The following YME1L1 variants were observed in gnomAD, a reference collection of about 807,000 sequenced individuals.
The protein encoded by YME1L1 is ATP-dependent zinc metalloprotease YME1L1.
A neutral mutation model predicts 90.4 loss-of-function variants in YME1L1; 39 were observed. The observed-to-expected ratio is 0.43, with a 90% confidence interval of 0.33 to 0.56. The LOEUF (loss-of-function observed/expected upper bound fraction) is 0.56, where lower values mean the gene tolerates loss of function less well. YME1L1 is among the 20% of genes least tolerant of loss of function. The pLI is 0.03. For synonymous variants in YME1L1, 284 were observed against 287.3 expected (o/e 0.99, Z 0.12); for missense variants, 617 against 868.4 (o/e 0.71, Z 3.64).
At chr10:27,131,532 A>C (rs2135870758) in intron 8 of YME1L1, among the ~76,000 whole-genome samples, 1 of 152,354 alleles carries the variant, frequency 6.6e-6, no homozygotes, top group South Asian at 2.1e-4. Flanking sequence ...TCAAGCACAT[A>C]CATTATCTGT....
In YME1L1 at chr10:27,119,285, G is replaced by A; in HGVS notation, c.1567+9C>T. ...AGTAAAAGACAGAAAAAAAAGAAAG[G>A]AAACCTACCCATTAGAATTTTGTCT... is the stretch of plus-strand genomic sequence containing the variant. On this transcript the variant is annotated intron_variant, in intron 14 of 18. Coordinates refer to ENST00000376016, the MANE Select transcript of YME1L1 (RefSeq NM_014263.4). 1 of 1,582,510 alleles carries A rather than the reference G, an allele frequency of 6.3e-7. No homozygotes were observed. Among genetic ancestry groups the A allele is most frequent in the South Asian group, 1.2e-5 (1 of 85,578 alleles).
chr10:27,149,123 A>T lies in YME1L1; in HGVS notation c.34-83T>A, dbSNP rs1033217869. 55 of 1,281,454 alleles carry T rather than the reference A, an allele frequency of 4.3e-5. 1 individual carries two copies. The Middle Eastern group carries it at 1.5e-3, about 34-fold the overall frequency. The allele number at this position is 1,281,454 out of a possible 1,614,324, so 79.4% of individuals were successfully genotyped here. On this transcript the variant is annotated intron_variant, in intron 1 of 18. Transcript: ENST00000376016. The stretch of plus-strand genomic sequence containing the variant: ...CTCCTTTTTTTGTCAGGATTTGTTA[A>T]GAGTTAAAGGTACATTATATATCAA...
At position 27,123,601 on chromosome 10, in the gene YME1L1, C is replaced by T; in HGVS notation, c.1048G>A (p.Glu350Lys). ...ACACCCACAAACATCTCATCAAATT[C>T]GGATCCAGAAGCATAATAAAAAGGA... ...DVPFYYASGSEFDEMFVGVGA... is the reference protein window; with the variant it reads ...DVPFYYASGSKFDEMFVGVGA... The change falls in exon 10 of 19, where the codon GAA (glutamate) becomes AAA (lysine). Residue 350 changes from glutamate to lysine, a missense_variant. Glu to Lys is a moderately conservative substitution (Grantham distance 56). This residue lies in a region of YME1L1 where 93 missense variants were observed against 184.8 expected (regional missense o/e 0.50). Transcript: ENST00000376016. 3.7e-6 allele frequency: 6 copies of T among 1,613,858 alleles called. No homozygotes were observed. Among genetic ancestry groups the T allele is most frequent in the Non-Finnish European group, 5.1e-6 (6 of 1,179,900 alleles).
chr10:27,127,787 CACAG>C (rs2056936126), intron 8 of YME1L1, among the ~76,000 whole-genome samples: 1 of 152,082 alleles, frequency 6.6e-6, no homozygotes, highest in Non-Finnish European at 1.5e-5. Context: ...GTACTTATAA[CACAG>C]ACAGTTTGTG....
rs781321351 is a variant in YME1L1 at position 27,147,423 on chromosome 10, G to C, written c.168+1483C>G. ...AACAAGTGAAAGATGGCAAGAACCT[G>C]AACTAAGCCGTGACTAAGAACGATG... On this transcript the variant is annotated intron_variant, in intron 2 of 18. Transcript: ENST00000376016. 3 of 1,612,454 alleles carry C rather than the reference G, an allele frequency of 1.9e-6. No individual in the cohort carries two copies. In the African/African-American group the frequency reaches 4.0e-5, roughly 22 times the overall value.
chr10:27,149,916 A>T (rs2057192365), intron 1 of YME1L1, among the ~76,000 whole-genome samples: 1 of 151,710 alleles, frequency 6.6e-6, no homozygotes, highest in Non-Finnish European at 1.5e-5. Context: ...GCCACTAAAA[A>T]TACAAAAAAA....
intron 1 of YME1L1, among the ~76,000 whole-genome samples, chr10:27,149,567 T>G (rs997896866): frequency 3.3e-5 from 5 of 150,534 alleles, no homozygotes; most frequent in African/African-American, 1.2e-4. Flanking sequence ...AACAATTAGA[T>G]GGGTGTGATG....
Position 27,134,869 on chromosome 10 carries a change from C to T in YME1L1, c.653G>A (p.Gly218Asp). Reference sequence around the variant, plus strand: ...TGTGAGTGCTTGAGCTTTCAGAAAACCTTCCGCAAAACCAGTTTTAAATGC... The same window carrying T: ...TGTGAGTGCTTGAGCTTTCAGAAAATCTTCCGCAAAACCAGTTTTAAATGC... ...QDAFKTGFAE[G>D]FLKAQALTQK... The change falls in exon 6 of 19, where the codon GGT (glycine) becomes GAT (aspartate). Residue 218 changes from glycine (G) to aspartate (D), a missense_variant. Gly to Asp is a moderately conservative substitution (Grantham distance 94, BLOSUM62 -1). Coordinates refer to ENST00000376016, the MANE Select transcript of YME1L1 (RefSeq NM_014263.4). 2 of 1,614,058 alleles carry T rather than the reference C, an allele frequency of 1.2e-6. No homozygotes were observed. The highest frequency in any genetic ancestry group is 1.6e-4 in the Middle Eastern group (1 of 6,062).
chr10:27,149,244 A>G (rs1191036752), intron 1 of YME1L1, among the ~76,000 whole-genome samples: 1 of 152,220 alleles, frequency 6.6e-6, no homozygotes, highest in Non-Finnish European at 1.5e-5. Context: ...ATGTAAATCA[A>G]AAGTATCAAA....
At chr10:27,113,696 C>G (rs1399561756) in intron 18 of YME1L1, among the ~76,000 whole-genome samples, 1 of 142,406 alleles carries the variant, frequency 7.0e-6, no homozygotes, top group Non-Finnish European at 1.5e-5. Flanking sequence ...AAAGAAAAAA[C>G]AAAAACAAAA....
intron 2 of YME1L1, chr10:27,147,706 G>T (rs745458829): frequency 1.3e-6 from 2 of 1,548,628 alleles, no homozygotes; most frequent in African/African-American, 2.7e-5. Flanking sequence ...GTTGTGGTAT[G>T]CTCATTTAGC....
intron 17 of YME1L1, among the ~76,000 whole-genome samples, chr10:27,115,077 T>C (rs2056798344): frequency 6.6e-6 from 1 of 151,362 alleles, no homozygotes; most frequent in Non-Finnish European, 1.5e-5. Context: ...AATTTCCACA[T>C]TCTTCTGAAA....
chr10:27,142,373 T>C lies in YME1L1; in HGVS notation c.430+14A>G. ...ATATTTTTTTTTCCACAATTTATGG[T>C]TGTTGCTTCATACCTGGCCAGTACT... On this transcript the variant is annotated intron_variant, in intron 4 of 18. Coordinates refer to ENST00000376016, the MANE Select transcript of YME1L1 (RefSeq NM_014263.4). The C allele has an allele frequency of 1.4e-6, 2 of 1,384,698 alleles. No individual in the cohort carries two copies. Among genetic ancestry groups the C allele is most frequent in the East Asian group, 2.6e-5 (1 of 37,828 alleles). The allele number at this position is 1,384,698 out of a possible 1,614,324, so 85.8% of individuals were successfully genotyped here.
chr10:27,138,997 C>G (rs546169667), intron 4 of YME1L1, among the ~76,000 whole-genome samples: 1 of 152,006 alleles, frequency 6.6e-6, no homozygotes, highest in Admixed American at 6.6e-5. Context: ...TTTTTCTTTT[C>G]TAATCAATAT....
At chr10:27,143,615 G>A (rs1295332912) in intron 3 of YME1L1, among the ~76,000 whole-genome samples, 1 of 149,572 alleles carries the variant, frequency 6.7e-6, no homozygotes, top group African/African-American at 2.5e-5. Flanking sequence ...GGAGAATGGC[G>A]TGAACTGGGA....
intron 8 of YME1L1, 42 bp downstream of exon 8, chr10:27,131,817 T>C: frequency 7.0e-7 from 1 of 1,433,254 alleles, no homozygotes. Flanking sequence ...GAGTATCAAT[T>C]AGAGGATGTA....
Position 27,145,559 on chromosome 10 carries a change from G to C in YME1L1, c.200C>G (p.Ser67Cys), listed in dbSNP as rs2057135578. Residue 67 changes from serine (S) to cysteine (C), a missense_variant, in exon 3 of 19, where the codon TCT becomes TGT. Transcript: ENST00000376016. ...ATCAATCTGTCCAATTTTTAGTTCA[G>C]ATAATCCAAGGTCCCTTAAGTTAAG... is the stretch of plus-strand genomic sequence containing the variant. The part of the protein sequence containing the change: ...PSLNLRDLGL[S>C]ELKIGQIDQL... 6.2e-7 allele frequency: 1 copy of C among 1,613,204 alleles called. No homozygotes were observed. The highest frequency in any genetic ancestry group is 1.3e-5 in the African/African-American group (1 of 74,894).
At chr10:27,137,459 A>G (rs958602156) in intron 4 of YME1L1, among the ~76,000 whole-genome samples, 1 of 152,208 alleles carries the variant, frequency 6.6e-6, no homozygotes. Flanking sequence ...GTATGTCAGC[A>G]GATGTAGACT....
chr10:27,153,623 A>G (rs1199605404), intron 1 of YME1L1, among the ~76,000 whole-genome samples: 1 of 152,228 alleles, frequency 6.6e-6, no homozygotes, highest in African/African-American at 2.4e-5. Flanking sequence ...CAAAATTTTA[A>G]CTGCAAACAG....
Sources: gnomAD v4.1 joint callset for allele counts (sites outside exome capture counted in the v4.1 genomes callset) on GRCh38, gnomAD v4.1.1 for gene constraint, gnomAD v4.1.1 regional missense constraint, MANE v1.5 for transcripts, NCBI Gene and HGNC (gene_info 2026-07-23, HGNC 2026-07-21) for gene names.